DCC: variants seen among roughly 807,000 people sequenced by gnomAD.
The protein encoded by DCC is DCC netrin 1 receptor.
Under a neutral mutation model 172.5 loss-of-function variants are expected in DCC, and 58 were observed. The ratio of observed to expected loss-of-function variants is 0.34; its 90% CI spans 0.27 to 0.42. The LOEUF (loss-of-function observed/expected upper bound fraction) is 0.42, where lower values mean the gene tolerates loss of function less well. Among genes scored for constraint, DCC ranks in the 10% least tolerant of loss-of-function variants. The pLI is 1.00. For synonymous variants in DCC, 709 were observed against 644.5 expected (o/e 1.10, Z -1.52); for missense variants, 1,740 against 1,791.0 (o/e 0.97, Z 0.51).
chr18:52,405,524 A>G (rs1334995963), intron 1 of DCC, among the ~76,000 whole-genome samples: 4 of 151,354 alleles, frequency 2.6e-5, no homozygotes, highest in African/African-American at 9.7e-5. Context: ...GTATACACCA[A>G]CAACAGACAA....
In DCC at chr18:53,351,331, T is replaced by TATATACAC. The variant is rs1296797643; in HGVS notation, c.2359+11425_2359+11426insTATACACA. Among the ~76,000 whole-genome samples the TATATACAC allele has an allele frequency of 2.7e-4, 13 of 47,716 alleles. 1 individual carries two copies. In the East Asian group the frequency reaches 4.5e-3, roughly 17 times the overall value. 31.3% of individuals were successfully genotyped at this position (47,716 alleles called of 152,430 possible). ...TATATATATACACTGTATATATATA[T>TATATACAC]ACAGTGTATATATATATACACAGTA... On this transcript the variant is annotated intron_variant, in intron 15 of 28. Transcript: ENST00000442544.
At chr18:53,259,081 C>T in intron 12 of DCC, among the ~76,000 whole-genome samples, 1 of 152,058 alleles carries the variant, frequency 6.6e-6, no homozygotes. Flanking sequence ...TCCTCCATCC[C>T]TTTATTTTGA....
At chr18:53,193,466 T>C (rs1273152275) in intron 9 of DCC, among the ~76,000 whole-genome samples, 2 of 149,882 alleles carry the variant, frequency 1.3e-5, no homozygotes, top group Non-Finnish European at 2.9e-5. Flanking sequence ...ACAACAAACT[T>C]ATCTGGTAAG....
At chr18:52,978,186 C>G (rs1378879671) in intron 5 of DCC, among the ~76,000 whole-genome samples, 5 of 151,510 alleles carry the variant, frequency 3.3e-5, no homozygotes, top group Non-Finnish European at 7.4e-5. Flanking sequence ...AAGTGGAAAA[C>G]ATAAAGAGAT....
intron 2 of DCC, among the ~76,000 whole-genome samples, chr18:52,835,982 C>T (rs1243007470): frequency 6.6e-6 from 1 of 152,150 alleles, no homozygotes; most frequent in African/African-American, 2.4e-5. Flanking sequence ...TTAATTGACT[C>T]ACAAGGGAGG....
chr18:52,737,386 G>GC (rs1240422267), intron 1 of DCC, among the ~76,000 whole-genome samples: 54 of 152,248 alleles, frequency 3.5e-4, no homozygotes, highest in Admixed American at 5.9e-4. Flanking sequence ...TGCAACAGCA[G>GC]AGTGGGCTAG....
At chr18:52,884,982 A>G (rs936782066) in intron 2 of DCC, among the ~76,000 whole-genome samples, 1 of 152,116 alleles carries the variant, frequency 6.6e-6, no homozygotes, top group Admixed American at 6.6e-5. Flanking sequence ...AGAAACTCTC[A>G]TTCATTTTCC....
intron 25 of DCC, among the ~76,000 whole-genome samples, chr18:53,469,760 C>T (rs1015275246): frequency 3.0e-4 from 46 of 152,116 alleles, no homozygotes; most frequent in Admixed American, 1.3e-4. Flanking sequence ...CCAATTGAAA[C>T]CATATTTACT....
chr18:52,715,268 A>T (rs941562205), intron 1 of DCC, among the ~76,000 whole-genome samples: 2 of 116,888 alleles, frequency 1.7e-5, no homozygotes, highest in Non-Finnish European at 3.8e-5. Flanking sequence ...CATAAAAAAT[A>T]AAAAAAAACA....
rs58988452 is a variant in DCC at position 53,527,207 on chromosome 18, T to C, written c.4254+448T>C. On this transcript the variant is annotated intron_variant, in intron 28 of 28. Coordinates refer to ENST00000442544, the MANE Select transcript of DCC (RefSeq NM_005215.4). Reference sequence around the variant, plus strand: ...AAGACTATATAACTCTTCTTCTTCCTTTTTTTTTTTTATTTTAAGAGACAG... The same window carrying C: ...AAGACTATATAACTCTTCTTCTTCCCTTTTTTTTTTTATTTTAAGAGACAG... Among the ~76,000 whole-genome samples, 1,045 of 130,682 alleles carry C rather than the reference T, an allele frequency of 8.0e-3. 10 individuals carry two copies. Among genetic ancestry groups the C allele is most frequent in the African/African-American group, 0.036 (1,008 of 28,328 alleles). 85.7% of individuals were successfully genotyped at this position (130,682 alleles called of 152,430 possible). A position where few individuals can be genotyped will look rare whatever the true frequency, so the allele number is the denominator to read the frequency against.
chr18:53,473,168 T>G (rs919252801), intron 25 of DCC, among the ~76,000 whole-genome samples: 14 of 152,328 alleles, frequency 9.2e-5, no homozygotes, highest in Admixed American at 9.1e-4. Flanking sequence ...AACATGTTCT[T>G]GTAGCACGAT....
intron 13 of DCC, among the ~76,000 whole-genome samples, chr18:53,311,722 T>C (rs1454698295): frequency 2.0e-5 from 3 of 152,222 alleles, no homozygotes; most frequent in Non-Finnish European, 2.9e-5. Context: ...ATATGTGTGT[T>C]TTCCATTTTA....
intron 9 of DCC, among the ~76,000 whole-genome samples, chr18:53,185,322 C>A (rs2055263436): frequency 6.6e-6 from 1 of 152,066 alleles, no homozygotes; most frequent in South Asian, 2.1e-4. Context: ...GTTTAATCAC[C>A]TCTAGAAGAC....
At chr18:52,811,090 T>C (rs1473058459) in intron 2 of DCC, among the ~76,000 whole-genome samples, 2 of 152,148 alleles carry the variant, frequency 1.3e-5, no homozygotes, top group Admixed American at 6.5e-5. Flanking sequence ...ATTCAAGCTA[T>C]AGTCTGCATT....
chr18:53,399,544 T>C (rs1376781909), intron 18 of DCC, among the ~76,000 whole-genome samples: 1 of 152,090 alleles, frequency 6.6e-6, no homozygotes, highest in Non-Finnish European at 1.5e-5. Flanking sequence ...CTTCTGAAAC[T>C]TAAATGTTAC....
chr18:52,693,446 A>G (rs897956878), intron 1 of DCC, among the ~76,000 whole-genome samples: 5 of 147,524 alleles, frequency 3.4e-5, no homozygotes, highest in African/African-American at 1.2e-4. Context: ...TATGGGATAT[A>G]TATCTTTATA....
At chr18:52,969,909 T>C (rs2041002191) in intron 5 of DCC, among the ~76,000 whole-genome samples, 1 of 152,162 alleles carries the variant, frequency 6.6e-6, no homozygotes, top group Non-Finnish European at 1.5e-5. Flanking sequence ...AATGAGAGAA[T>C]GATAGAGATC....
chr18:52,462,850 TTGAATGAATGAA>T (rs78177790), intron 1 of DCC, among the ~76,000 whole-genome samples: 1 of 151,468 alleles, frequency 6.6e-6, no homozygotes, highest in Non-Finnish European at 1.5e-5. Flanking sequence ...GAATTATGTA[TTGAATGAATGAA>T]TGAATGAATG....
chr18:52,440,482 G>A (rs1468923809), intron 1 of DCC, among the ~76,000 whole-genome samples: 1 of 152,174 alleles, frequency 6.6e-6, no homozygotes, highest in South Asian at 2.1e-4. Flanking sequence ...GTGAATTATA[G>A]GGATGACATT....
Sources: gnomAD v4.1 joint callset for allele counts (sites outside exome capture counted in the v4.1 genomes callset) on GRCh38, gnomAD v4.1.1 for gene constraint, MANE v1.5 for transcripts, NCBI Gene and HGNC (gene_info 2026-07-23, HGNC 2026-07-21) for gene names.